The following CAMTA1 variants were observed in gnomAD, a reference collection of about 807,000 sequenced individuals.
The protein encoded by CAMTA1 is calmodulin binding transcription activator 1, also known as calmodulin-binding transcription activator 1.
In CAMTA1, 27 loss-of-function variants were observed where a neutral mutation model predicts 170.9. That is an observed-to-expected ratio of 0.16 (90% CI 0.12 to 0.22). The LOEUF (loss-of-function observed/expected upper bound fraction) is 0.22, where lower values mean the gene tolerates loss of function less well. Among genes scored for constraint, CAMTA1 ranks in the 10% least tolerant of loss-of-function variants. CAMTA1 has a pLI of 1.00. For missense variants in CAMTA1, 1,619 were observed against 2,217.2 expected, an observed-to-expected ratio of 0.73 and a Z score of 5.42; for synonymous variants, 833 against 891.5, an observed-to-expected ratio of 0.93 and a Z score of 1.17.
intron 5 of CAMTA1, among the ~76,000 whole-genome samples, chr1:7,339,974 A>G (rs2083674864): frequency 6.6e-6 from 1 of 152,092 alleles, no homozygotes; most frequent in Non-Finnish European, 1.5e-5. Flanking sequence ...GACATTCAGA[A>G]CCTGACCCAG....
At chr1:7,001,903 T>C (rs200712314) in intron 3 of CAMTA1, among the ~76,000 whole-genome samples, 5 of 140,172 alleles carry the variant, frequency 3.6e-5, no homozygotes, top group African/African-American at 7.5e-5. Flanking sequence ...TCTTCTTTTT[T>C]TTTTTTTTTT....
In CAMTA1 at chr1:7,050,355, G is replaced by A. The variant is rs762706329; in HGVS notation, c.235-40949G>A. On this transcript the variant is annotated intron_variant, in intron 3 of 22. Transcript: ENST00000303635. This position sits in a 1 kb window ranked among gnomAD's most constrained non-coding sequence, Gnocchi z 4.8. ...CTGAGCTACTCCAGAGACGGCATCT[G>A]TCTGCTCCGGGGCCAGGGCGGAGAA... Among the ~76,000 whole-genome samples the A allele has an allele frequency of 6.6e-6, 1 of 152,176 alleles. No individual in the cohort carries two copies. Among genetic ancestry groups the A allele is most frequent in the Non-Finnish European group, 1.5e-5 (1 of 68,026 alleles).
chr1:7,178,592 G>C (rs1463432361), intron 4 of CAMTA1, among the ~76,000 whole-genome samples: 1 of 152,142 alleles, frequency 6.6e-6, no homozygotes, highest in African/African-American at 2.4e-5. Context: ...TGAGGGCTTT[G>C]GTTCCAAAAT....
chr1:6,946,626 A>G (rs1448427707), intron 3 of CAMTA1, among the ~76,000 whole-genome samples: 2 of 152,144 alleles, frequency 1.3e-5, no homozygotes, highest in Non-Finnish European at 2.9e-5. Context: ...CTTTGGGGAA[A>G]TGTCTGTTAG....
At chr1:7,359,387 G>T (rs2085370892) in intron 5 of CAMTA1, among the ~76,000 whole-genome samples, 2 of 152,160 alleles carry the variant, frequency 1.3e-5, no homozygotes, top group Admixed American at 6.5e-5. Context: ...GCTCTGGTGA[G>T]GCTGGAGAGC....
At chr1:6,995,295 CTTTTTTT>C (rs765139922) in intron 3 of CAMTA1, among the ~76,000 whole-genome samples, 30 of 60,620 alleles carry the variant, frequency 4.9e-4, no homozygotes, top group South Asian at 1.6e-3. Context: ...TTTTTCTTTT[CTTTTTTT>C]TTTTTTTTTT....
chr1:7,628,665 C>G (rs2095649026), intron 6 of CAMTA1, among the ~76,000 whole-genome samples: 1 of 152,260 alleles, frequency 6.6e-6, no homozygotes, highest in Non-Finnish European at 1.5e-5. Flanking sequence ...CCATTGTCAT[C>G]TGATGGGCTT....
At chr1:7,275,229 G>A (rs978364387) in intron 5 of CAMTA1, among the ~76,000 whole-genome samples, 2 of 151,264 alleles carry the variant, frequency 1.3e-5, no homozygotes, top group Non-Finnish European at 2.9e-5. Flanking sequence ...ATGGAGTACA[G>A]GGAAAGCAGA....
chr1:7,233,845 C>G (rs1663297936), intron 4 of CAMTA1, among the ~76,000 whole-genome samples: 1 of 152,160 alleles, frequency 6.6e-6, no homozygotes, highest in South Asian at 2.1e-4. Flanking sequence ...TCTTTAATCC[C>G]TCGGCCTACT....
intron 5 of CAMTA1, among the ~76,000 whole-genome samples, chr1:7,260,388 A>G (rs1041079386): frequency 1.3e-5 from 2 of 152,222 alleles, no homozygotes; most frequent in African/African-American, 4.8e-5. Context: ...CATGTAGCAT[A>G]GGCTTGTTTG....
chr1:7,708,580 C>T (rs539239980), intron 11 of CAMTA1, among the ~76,000 whole-genome samples: 2 of 152,268 alleles, frequency 1.3e-5, no homozygotes, highest in East Asian at 3.9e-4. Context: ...CTTTGATAGA[C>T]TAACTGGAAT....
intron 5 of CAMTA1, among the ~76,000 whole-genome samples, chr1:7,328,108 T>C (rs1350400558): frequency 6.6e-6 from 1 of 152,194 alleles, no homozygotes; most frequent in Non-Finnish European, 1.5e-5. Context: ...TTCACTGTGA[T>C]GTACTAGGTG....
intron 5 of CAMTA1, among the ~76,000 whole-genome samples, chr1:7,304,878 T>C (rs1215188377): frequency 6.6e-6 from 1 of 152,058 alleles, no homozygotes; most frequent in African/African-American, 2.4e-5. Context: ...GCCAAATTTA[T>C]CTCTTTTCTT....
chr1:6,963,201 C>G (rs959262383), intron 3 of CAMTA1, among the ~76,000 whole-genome samples: 2 of 147,432 alleles, frequency 1.4e-5, no homozygotes, highest in South Asian at 4.4e-4. Context: ...TCCTCACCCG[C>G]CCCGCCCCTT....
At position 7,536,049 on chromosome 1, in the gene CAMTA1, G is replaced by A. The variant is rs575622881; in HGVS notation, c.510+68148G>A. The stretch of plus-strand genomic sequence containing the variant: ...TGTAAATCCTTTATGTATAGACTTG[G>A]GCTATAACAACCTCCTCGTGGCATT... On this transcript the variant is annotated intron_variant, in intron 6 of 22. Transcript: ENST00000303635. Among the ~76,000 whole-genome samples the A allele has an allele frequency of 2.7e-4, 41 of 152,210 alleles. 1 individual carries two copies. In the South Asian group the frequency reaches 8.3e-3, roughly 31 times the overall value.
At chr1:7,498,752 AGAG>A (rs2093891063) in intron 6 of CAMTA1, among the ~76,000 whole-genome samples, 2 of 25,304 alleles carry the variant, frequency 7.9e-5, no homozygotes, top group Non-Finnish European at 1.4e-4. Context: ...ATGAGTGTGC[AGAG>A]GATTGTGTGA....
intron 1 of CAMTA1, among the ~76,000 whole-genome samples, chr1:6,806,243 A>G (rs754511665): frequency 3.3e-5 from 5 of 152,146 alleles, no homozygotes; most frequent in Non-Finnish European, 7.4e-5. Context: ...TGCCATTACC[A>G]CAATGTCTTG....
At chr1:7,440,446 G>T (rs562641228) in intron 5 of CAMTA1, among the ~76,000 whole-genome samples, 1 of 152,242 alleles carries the variant, frequency 6.6e-6, no homozygotes. Context: ...GGAGTTCCAC[G>T]GCACCGGCTG....
intron 5 of CAMTA1, among the ~76,000 whole-genome samples, chr1:7,292,110 T>A (rs747057607): frequency 2.6e-5 from 4 of 152,112 alleles, no homozygotes; most frequent in Non-Finnish European, 4.4e-5. Flanking sequence ...AGAAACCAAA[T>A]CAAATTGGAG....
Sources: gnomAD v4.1 joint callset for allele counts (sites outside exome capture counted in the v4.1 genomes callset) on GRCh38, gnomAD v4.1.1 for gene constraint, Gnocchi (gnomAD v3.1) non-coding constraint, MANE v1.5 for transcripts, NCBI Gene and HGNC (gene_info 2026-07-23, HGNC 2026-07-21) for gene names.